CSMD3: variants seen among roughly 807,000 people sequenced by gnomAD.
The protein encoded by CSMD3 is CUB and sushi domain-containing protein 3.
Under a neutral mutation model 435.2 loss-of-function variants are expected in CSMD3, and 177 were observed. That is an observed-to-expected ratio of 0.41 (90% CI 0.36 to 0.46). The LOEUF (loss-of-function observed/expected upper bound fraction) is 0.46. CSMD3 is among the 20% of genes least tolerant of loss of function. The pLI is 0.34. For synonymous variants in CSMD3, 1,656 were observed against 1,520.5 expected, an observed-to-expected ratio of 1.09 and a Z score of -2.07; for missense variants, 4,265 against 4,504.6, an observed-to-expected ratio of 0.95 and a Z score of 1.52.
At chr8:112,414,702 G>T (rs919131478) in intron 32 of CSMD3, among the ~76,000 whole-genome samples, 2 of 152,066 alleles carry the variant, frequency 1.3e-5, no homozygotes, top group Non-Finnish European at 2.9e-5. Context: ...GGGAAAGTTT[G>T]GAACTCCCTA....
intron 61 of CSMD3, among the ~76,000 whole-genome samples, chr8:112,258,631 A>C (rs1338468818): frequency 2.6e-5 from 4 of 152,178 alleles, no homozygotes; most frequent in Non-Finnish European, 4.4e-5. Context: ...GAAACAATAG[A>C]TGCCGGAGAG....
intron 5 of CSMD3, among the ~76,000 whole-genome samples, chr8:113,068,027 T>C (rs2088937778): frequency 6.6e-6 from 1 of 152,270 alleles, no homozygotes; most frequent in Admixed American, 6.5e-5. Flanking sequence ...ATTACTTTAA[T>C]TATTGTTCAG....
intron 56 of CSMD3, among the ~76,000 whole-genome samples, chr8:112,290,025 A>T (rs1362055708): frequency 6.6e-6 from 1 of 152,108 alleles, no homozygotes; most frequent in Non-Finnish European, 1.5e-5. Flanking sequence ...ATGAAGATTG[A>T]TCTGTGATTC....
intron 28 of CSMD3, among the ~76,000 whole-genome samples, chr8:112,513,457 T>G (rs976576880): frequency 2.0e-5 from 3 of 152,196 alleles, no homozygotes; most frequent in African/African-American, 7.2e-5. Flanking sequence ...TATTTATTGG[T>G]TAAGTTCACT....
intron 32 of CSMD3, among the ~76,000 whole-genome samples, chr8:112,416,283 CT>C (rs1811906059): frequency 6.6e-6 from 1 of 152,172 alleles, no homozygotes; most frequent in African/African-American, 2.4e-5. Flanking sequence ...GGTATTTCCG[CT>C]TCTGGCTCTC....
chr8:113,161,857 G>A (rs1430295637), intron 4 of CSMD3, among the ~76,000 whole-genome samples: 1 of 152,016 alleles, frequency 6.6e-6, no homozygotes, highest in Non-Finnish European at 1.5e-5. Flanking sequence ...ATCAGCCAAA[G>A]TCAACTCACT....
chr8:112,356,769 G>A lies in CSMD3; in HGVS notation c.6137-4235C>T, dbSNP rs182657730. Among the ~76,000 whole-genome samples the A allele has an allele frequency of 1.4e-3, 213 of 152,086 alleles. 2 individuals are homozygous for A. Among genetic ancestry groups the A allele is most frequent in the African/African-American group, 4.7e-3 (197 of 41,502 alleles). On this transcript the variant is annotated intron_variant, in intron 38 of 70. Transcript: ENST00000297405. Reference sequence around the variant, plus strand: ...TAAAAAGAGGAGTTCCCCTGCACGAGCTCTCTCTCTTTGACTGCTGTCACC... The same window carrying A: ...TAAAAAGAGGAGTTCCCCTGCACGAACTCTCTCTCTTTGACTGCTGTCACC...
chr8:112,632,502 A>G (rs1443451001), intron 22 of CSMD3, among the ~76,000 whole-genome samples: 1 of 152,052 alleles, frequency 6.6e-6, no homozygotes, highest in Non-Finnish European at 1.5e-5. Context: ...TGGGCTTCTT[A>G]AAATATGTGG....
chr8:112,520,029 T>C (rs891605129), intron 27 of CSMD3, among the ~76,000 whole-genome samples: 4 of 152,222 alleles, frequency 2.6e-5, no homozygotes, highest in African/African-American at 9.6e-5. Context: ...TCCAAAAACC[T>C]ACATATTTAT....
At chr8:113,386,851 A>T (rs2094441562) in intron 1 of CSMD3, among the ~76,000 whole-genome samples, 1 of 151,910 alleles carries the variant, frequency 6.6e-6, no homozygotes, top group Non-Finnish European at 1.5e-5. Flanking sequence ...AATGTTTCTC[A>T]AGCACACTAA....
chr8:112,930,709 T>G (rs2083077044), intron 9 of CSMD3, among the ~76,000 whole-genome samples: 1 of 152,112 alleles, frequency 6.6e-6, no homozygotes, highest in Admixed American at 6.6e-5. Context: ...CCAGTTAATG[T>G]CATAGAAATT....
intron 19 of CSMD3, 25 bp downstream of exon 19, chr8:112,650,136 T>C (rs2131631301): frequency 2.6e-6 from 4 of 1,521,458 alleles, no homozygotes; most frequent in Non-Finnish European, 3.7e-6. Context: ...AATCAGCATA[T>C]TTTGCATGTC....
chr8:113,174,283 A>G (rs1053879171), intron 3 of CSMD3, among the ~76,000 whole-genome samples: 2 of 152,158 alleles, frequency 1.3e-5, no homozygotes, highest in Admixed American at 6.5e-5. Flanking sequence ...CATTTCCTTA[A>G]TATTATCTTC....
At chr8:112,574,454 G>A (rs1586715240) in intron 23 of CSMD3, among the ~76,000 whole-genome samples, 4 of 151,700 alleles carry the variant, frequency 2.6e-5, no homozygotes. Flanking sequence ...CATGTTTTTT[G>A]GTACTTGTAC....
intron 22 of CSMD3, among the ~76,000 whole-genome samples, chr8:112,591,474 A>T (rs1831188327): frequency 2.0e-5 from 3 of 152,120 alleles, no homozygotes. Context: ...TTTTAGATAA[A>T]CTGAAAAAAT....
intron 22 of CSMD3, among the ~76,000 whole-genome samples, chr8:112,630,074 G>T (rs2087376969): frequency 6.6e-6 from 1 of 152,080 alleles, no homozygotes; most frequent in African/African-American, 2.4e-5. Context: ...CTTGGAAGAG[G>T]ACCCTGAACC....
At chr8:113,368,588 A>G (rs2094328016) in intron 1 of CSMD3, among the ~76,000 whole-genome samples, 1 of 152,124 alleles carries the variant, frequency 6.6e-6, no homozygotes, top group South Asian at 2.1e-4. Context: ...TAAAAACTCA[A>G]GTTCAACACA....
chr8:113,003,556 A>G (rs558751090), intron 6 of CSMD3, among the ~76,000 whole-genome samples: 94 of 152,204 alleles, frequency 6.2e-4, no homozygotes, highest in African/African-American at 2.2e-3. Context: ...CTTAGTACCA[A>G]TATTTTATGG....
intron 5 of CSMD3, among the ~76,000 whole-genome samples, chr8:113,044,663 A>C (rs1045537372): frequency 6.7e-6 from 1 of 149,446 alleles, no homozygotes; most frequent in East Asian, 1.9e-4. Flanking sequence ...GAACTGGAAT[A>C]TAACTGTGAA....
Sources: gnomAD v4.1 joint callset for allele counts (sites outside exome capture counted in the v4.1 genomes callset) on GRCh38, gnomAD v4.1.1 for gene constraint, MANE v1.5 for transcripts, NCBI Gene and HGNC (gene_info 2026-07-23, HGNC 2026-07-21) for gene names.